Variants in GRIP2 observed in about 807,000 individuals in gnomAD.
GRIP2 encodes the protein glutamate receptor interacting protein 2.
A neutral mutation model predicts 108.3 loss-of-function variants in GRIP2; 58 were observed. The observed-to-expected ratio is 0.54, with a 90% CI of 0.43 to 0.67. The LOEUF is 0.67. Ranked by LOEUF, GRIP2 falls within the 30% of genes least tolerant of loss-of-function variation. The pLI is 0.00. For synonymous variants in GRIP2, 586 were observed against 598.2 expected (o/e 0.98, Z 0.30); for missense variants, 1,278 against 1,430.6 (o/e 0.89, Z 1.72).
Position 14,523,005 on chromosome 3 carries a change from G to A in GRIP2, c.561C>T (p.Ala187=), listed in dbSNP as rs776870348. The A allele has an allele frequency of 1.8e-5, 29 of 1,613,588 alleles. No individual in the cohort carries two copies. Among genetic ancestry groups the A allele is most frequent in the Admixed American group, 1.0e-4 (6 of 59,994 alleles). The part of the protein sequence containing the change: ...VLTYVRPGGP[A]DREGSLKVGD... ...TTTCTTCTGCCTCGGCTCACCTGTCGGCAGGGCCACCGGGCCGCACGTAGG... is the reference window on the plus strand; with the variant it reads ...TTTCTTCTGCCTCGGCTCACCTGTCAGCAGGGCCACCGGGCCGCACGTAGG... The change falls in exon 6 of 24, where the codon GCC becomes GCT. Residue 187 remains alanine, a synonymous_variant. Transcript: ENST00000621039.
chr3:14,516,281 A>G (rs1383333614), intron 11 of GRIP2, among the ~76,000 whole-genome samples: 3 of 152,000 alleles, frequency 2.0e-5, no homozygotes, highest in Non-Finnish European at 4.4e-5. Context: ...CTTTTTTCAG[A>G]CACCAGGTGA....
chr3:14,589,650 G>A, the GRIP2 span, among the ~76,000 whole-genome samples: 105 of 152,158 alleles, frequency 6.9e-4, no homozygotes, highest in African/African-American at 2.1e-3. Flanking sequence ...GGAACGGCCG[G>A]GTCAAAGAGT....
intron 1 of GRIP2, among the ~76,000 whole-genome samples, chr3:14,553,188 A>G (rs561529727): frequency 5.4e-5 from 8 of 148,122 alleles, no homozygotes; most frequent in African/African-American, 1.8e-4. Context: ...ATTCACTACA[A>G]CCTGTGCCTC....
At position 14,493,707 on chromosome 3, in the gene GRIP2, C is replaced by T; in HGVS notation, c.3090G>A (p.Arg1030=). The change falls in exon 24 of 24, where the codon CGG becomes CGA. Residue 1030 remains arginine, a synonymous_variant. Coordinates refer to ENST00000621039, the MANE Select transcript of GRIP2 (RefSeq NM_001080423.4). ...SRKPHTAHSS[R]APRSPGPSSP... ...TGCTGGGGCCTGGCGATCGGGGGGC[C>T]CGGCTGCTGTGTGCCGTGTGCGGCT... 6.2e-7 allele frequency: 1 copy of T among 1,609,176 alleles called. No individual in the cohort carries two copies. The highest frequency in any genetic ancestry group is 8.5e-7 in the Non-Finnish European group (1 of 1,178,126).
intron 1 of GRIP2, among the ~76,000 whole-genome samples, chr3:14,536,991 C>T (rs1694849466): frequency 6.6e-6 from 1 of 152,218 alleles, no homozygotes; most frequent in African/African-American, 2.4e-5. Flanking sequence ...CACTGTTATT[C>T]TCCCCATTTT....
chr3:14,539,191 T>C lies in GRIP2; in HGVS notation c.40+1078A>G, dbSNP rs568659722. Among the ~76,000 whole-genome samples the C allele has an allele frequency of 2.9e-4, 44 of 152,280 alleles. No homozygotes were observed. In the South Asian group the frequency reaches 8.3e-3, roughly 29 times the overall value. On this transcript the variant is annotated intron_variant, in intron 1 of 23. Coordinates refer to ENST00000621039, the MANE Select transcript of GRIP2 (RefSeq NM_001080423.4). ...AACTGCAAAATGGAGAGAATAACAG[T>C]ACCCAAGTGGCAGTGTAGTTATGAG... is the stretch of plus-strand genomic sequence containing the variant.
chr3:14,576,801 G>A, the GRIP2 span, among the ~76,000 whole-genome samples: 6 of 152,292 alleles, frequency 3.9e-5, no homozygotes, highest in East Asian at 7.7e-4. Context: ...AAATACCAAT[G>A]TATGAATTTT....
At chr3:14,523,779 G>C (rs1694476971) in intron 4 of GRIP2, 81 bp from the exon 5 acceptor site, 4 of 917,828 alleles carry the variant, frequency 4.4e-6, no homozygotes, top group Non-Finnish European at 7.0e-6. Context: ...CATTCCAGGA[G>C]GACTGGGTGA....
intron 1 of GRIP2, among the ~76,000 whole-genome samples, chr3:14,539,942 T>G (rs1559352131): frequency 6.6e-6 from 1 of 152,116 alleles, no homozygotes; most frequent in Non-Finnish European, 1.5e-5. Context: ...ATCCTGAGAT[T>G]GGGCAAAAGG....
At chr3:14,541,074 C>A (rs550648557), upstream of GRIP2, among the ~76,000 whole-genome samples, 1 of 152,382 alleles carries the variant, frequency 6.6e-6, no homozygotes, top group East Asian at 1.9e-4. Flanking sequence ...TCTGCCCCGT[C>A]CCAGACCCAG....
Position 14,540,321 on chromosome 3 carries a change from C to A in GRIP2, c.-13G>T. 1 of 1,613,634 alleles carries A rather than the reference C, an allele frequency of 6.2e-7. No individual in the cohort carries two copies. The highest frequency in any genetic ancestry group is 1.1e-5 in the South Asian group (1 of 90,982). The stretch of plus-strand genomic sequence containing the variant: ...GCCCACACAGCATGTTCGCTATTGT[C>A]TCCCCTGCTGCCCACCAACTCCCTC... On this transcript the variant is annotated 5_prime_UTR_variant, in exon 1 of 24. Coordinates refer to ENST00000621039, the MANE Select transcript of GRIP2 (RefSeq NM_001080423.4). This position sits in a 1 kb window ranked among gnomAD's most constrained non-coding sequence, Gnocchi z 4.1.
At position 14,511,923 on chromosome 3, in the gene GRIP2, CA is replaced by C. The variant is rs369052410; in HGVS notation, c.1721-445del. 2.0e-5 allele frequency among the ~76,000 whole-genome samples: 3 copies of C among 152,204 alleles called. No homozygotes were observed. Among genetic ancestry groups the C allele is most frequent in the African/African-American group, 7.2e-5 (3 of 41,444 alleles). On this transcript the variant is annotated intron_variant, in intron 14 of 23. Transcript: ENST00000621039. The surrounding 1 kb of genome is among the most constrained non-coding windows in gnomAD (Gnocchi z 4.1). Reference sequence around the variant, plus strand: ...ACACAGAAGTGAACAAAACAGACAGCAATCTCTCCCTGCCCTCCTGGAGCTG... The same window carrying C: ...ACACAGAAGTGAACAAAACAGACAGCATCTCTCCCTGCCCTCCTGGAGCTG...
the GRIP2 span, among the ~76,000 whole-genome samples, chr3:14,577,717 A>G: frequency 3.2e-3 from 487 of 152,278 alleles, 3 homozygotes; most frequent in Non-Finnish European, 3.2e-3. Flanking sequence ...CCCAAGTAAA[A>G]CCAACTCATC....
chr3:14,513,773 T>A lies in GRIP2; in HGVS notation c.1531A>T (p.Ile511Phe), dbSNP rs762829468. 1 of 1,612,722 alleles carries A rather than the reference T, an allele frequency of 6.2e-7. No individual in the cohort carries two copies. The highest frequency in any genetic ancestry group is 8.5e-7 in the Non-Finnish European group (1 of 1,179,548). ...LLQVGDRVLSINGIATEDGTM... is the reference protein window; with the variant it reads ...LLQVGDRVLSFNGIATEDGTM... ...CCGTCCTCGGTGGCAATGCCATTGA[T>A]GGACAGGACACGGTCCCCCACCTGC... is the stretch of plus-strand genomic sequence containing the variant. Residue 511 changes from isoleucine to phenylalanine, a missense_variant, in exon 13 of 24, where the codon ATC (isoleucine) becomes TTC (phenylalanine). By Grantham distance (21) the Ile-to-Phe change is conservative. Transcript: ENST00000621039.
At position 14,520,292 on chromosome 3, in the gene GRIP2, G is replaced by C. The variant is rs753933158; in HGVS notation, c.861-13C>G. 2 of 1,612,520 alleles carry C rather than the reference G, an allele frequency of 1.2e-6. No individual in the cohort carries two copies. The highest frequency in any genetic ancestry group is 1.7e-6 in the Non-Finnish European group (2 of 1,178,912). Reference sequence around the variant, plus strand: ...CAGGGCTCCGCTCCTGGCCAGGCAGGGGAGTGAAGGCGGAGGCTGGTCCAG... The same window carrying C: ...CAGGGCTCCGCTCCTGGCCAGGCAGCGGAGTGAAGGCGGAGGCTGGTCCAG... On this transcript the variant is annotated splice_polypyrimidine_tract_variant and intron_variant, in intron 8 of 23. Transcript: ENST00000621039.
the GRIP2 span, among the ~76,000 whole-genome samples, chr3:14,589,658 A>G: frequency 6.6e-6 from 1 of 152,116 alleles, no homozygotes; most frequent in African/African-American, 2.4e-5. Context: ...CGGGTCAAAG[A>G]GTGTCAGCAC....
upstream of GRIP2, among the ~76,000 whole-genome samples, chr3:14,540,888 G>C (rs959257246): frequency 6.6e-6 from 1 of 152,172 alleles, no homozygotes; most frequent in Non-Finnish European, 1.5e-5. The surrounding 1 kb of genome is among the most constrained non-coding windows in gnomAD (Gnocchi z 4.1). Flanking sequence ...CCTCTCCTAG[G>C]TATCAGTTTT....
At chr3:14,520,352 C>T (rs761011139) in intron 8 of GRIP2, 38 bp downstream of exon 8, 3 of 1,610,808 alleles carry the variant, frequency 1.9e-6, no homozygotes, top group Admixed American at 1.7e-5. Flanking sequence ...CTCCCCTGCA[C>T]ACACCTCCAT....
At chr3:14,551,030 G>C (rs892552598) in intron 1 of GRIP2, among the ~76,000 whole-genome samples, 2 of 152,288 alleles carry the variant, frequency 1.3e-5, no homozygotes, top group African/African-American at 2.4e-5. Flanking sequence ...GAGCGGGAGG[G>C]GGGAGGCAGC....
Sources: allele counts gnomAD v4.1 joint callset (sites outside exome capture counted in the v4.1 genomes callset), GRCh38; gene constraint gnomAD v4.1.1; non-coding constraint Gnocchi (gnomAD v3.1); transcripts MANE v1.5; gene names NCBI Gene and HGNC (gene_info 2026-07-23, HGNC 2026-07-21).